CREB5: variants seen among roughly 807,000 people sequenced by gnomAD.
CREB5 encodes cyclic AMP-responsive element-binding protein 5.
A neutral mutation model predicts 57.1 loss-of-function variants in CREB5; 19 were observed. The observed-to-expected ratio is 0.33, with a 90% confidence interval of 0.23 to 0.49. The LOEUF is 0.49. Among genes scored for constraint, CREB5 ranks in the 20% least tolerant of loss-of-function variants. The pLI, the probability that CREB5 is intolerant of heterozygous loss-of-function variation, is 0.99. For missense variants in CREB5, 579 were observed against 671.6 expected, an observed-to-expected ratio of 0.86 and a Z score of 1.52; for synonymous variants, 238 against 238.3, an observed-to-expected ratio of 1.00 and a Z score of 0.01.
At chr7:28,406,202 A>G (rs372428266) in intron 1 of CREB5, among the ~76,000 whole-genome samples, 1 of 152,186 alleles carries the variant, frequency 6.6e-6, no homozygotes, top group East Asian at 1.9e-4. Flanking sequence ...TTCAGGCCTG[A>G]TTAAGCACTA....
intron 4 of CREB5, among the ~76,000 whole-genome samples, chr7:28,551,900 TC>T (rs770600618): frequency 1.4e-5 from 2 of 140,082 alleles, no homozygotes; most frequent in East Asian, 4.7e-4. Flanking sequence ...TCTTTCTTTC[TC>T]TTTTCTTTTC....
chr7:28,642,967 C>CATAT (rs1798722134), intron 5 of CREB5, among the ~76,000 whole-genome samples: 1 of 93,746 alleles, frequency 1.1e-5, no homozygotes, highest in African/African-American at 4.1e-5. Flanking sequence ...CACACACACA[C>CATAT]ACACACACAC....
chr7:28,744,280 A>G (rs1328311632), intron 7 of CREB5, among the ~76,000 whole-genome samples: 3 of 150,292 alleles, frequency 2.0e-5, no homozygotes, highest in Non-Finnish European at 4.4e-5. Flanking sequence ...TCTTATGAGG[A>G]CACCAGTCAT....
In CREB5 at chr7:28,610,406, G is replaced by A. The variant is rs1047318944; in HGVS notation, c.464+39869G>A. On this transcript the variant is annotated intron_variant, in intron 5 of 10. Coordinates refer to ENST00000357727, the MANE Select transcript of CREB5 (RefSeq NM_182898.4). ...AGTGACTATATACTTGCCAAATACT[G>A]CTGTGTAAAGGCAGCTACATTTTTG... Among the ~76,000 whole-genome samples, 3 of 152,128 alleles carry A rather than the reference G, an allele frequency of 2.0e-5. 1 individual carries two copies. The highest frequency in any genetic ancestry group is 4.4e-5 in the Non-Finnish European group (3 of 68,034).
At chr7:28,623,657 T>G (rs1797886738) in intron 5 of CREB5, among the ~76,000 whole-genome samples, 1 of 152,190 alleles carries the variant, frequency 6.6e-6, no homozygotes. Context: ...AAAACATATC[T>G]CAGTGAGGAA....
chr7:28,312,931 C>G (rs1307749001), intron 1 of CREB5, among the ~76,000 whole-genome samples: 3 of 152,150 alleles, frequency 2.0e-5, no homozygotes, highest in Non-Finnish European at 4.4e-5. Flanking sequence ...CCTTATGAGA[C>G]TTGTGAAATT....
chr7:28,552,955 A>C (rs1794729137), intron 4 of CREB5, among the ~76,000 whole-genome samples: 1 of 152,216 alleles, frequency 6.6e-6, no homozygotes, highest in East Asian at 1.9e-4. Context: ...CACTGATGAT[A>C]GTCAACCAGA....
chr7:28,511,094 T>C (rs543207259), intron 4 of CREB5, among the ~76,000 whole-genome samples: 63 of 151,928 alleles, frequency 4.1e-4, no homozygotes, highest in Non-Finnish European at 8.2e-4. Context: ...AGTTTACCTC[T>C]AGGGGGCAAG....
chr7:28,447,427 G>C (rs562121633), intron 1 of CREB5, among the ~76,000 whole-genome samples: 1 of 152,276 alleles, frequency 6.6e-6, no homozygotes, highest in African/African-American at 2.4e-5. Flanking sequence ...CACACCGACG[G>C]GGGAGTGGGT....
At chr7:28,369,639 G>C (rs1786665041) in intron 1 of CREB5, among the ~76,000 whole-genome samples, 1 of 152,136 alleles carries the variant, frequency 6.6e-6, no homozygotes. Context: ...ATTCCCCTGA[G>C]ATTCCTTTTA....
intron 5 of CREB5, among the ~76,000 whole-genome samples, chr7:28,694,223 A>G (rs1801420314): frequency 6.6e-6 from 1 of 152,190 alleles, no homozygotes; most frequent in Non-Finnish European, 1.5e-5. Flanking sequence ...ATTCCTCTGA[A>G]ATTAATCATA....
chr7:28,452,669 C>T (rs1166186510), intron 1 of CREB5, among the ~76,000 whole-genome samples: 1 of 152,142 alleles, frequency 6.6e-6, no homozygotes. Context: ...CCCATGAGAG[C>T]TGGGGCCTAA....
rs542106115 is a variant in CREB5 at position 28,445,612 on chromosome 7, C to T, written c.3+32695C>T. 3.0e-3 allele frequency among the ~76,000 whole-genome samples: 450 copies of T among 151,510 alleles called. 1 individual carries two copies. The highest frequency in any genetic ancestry group is 2.6e-3 in the Non-Finnish European group (175 of 67,914). ...TGTTGCCCAGGCTGGAGTGCAGTGG[C>T]GCGATCTCGGCTCACTGCAAGCTCC... On this transcript the variant is annotated intron_variant, in intron 1 of 10. Coordinates refer to ENST00000357727, the MANE Select transcript of CREB5 (RefSeq NM_182898.4).
rs1361765462 is a variant in CREB5 at position 28,560,935 on chromosome 7, TGC to T, written c.292-9428_292-9427del. The stretch of plus-strand genomic sequence containing the variant: ...GTGTGCGTGTGTGCGCGTGCGTGTG[TGC>T]GTGCGTGTGTGTGCGTGTGTGTGCG... On this transcript the variant is annotated intron_variant, in intron 4 of 10. Transcript: ENST00000357727. Among the ~76,000 whole-genome samples, 25 of 56,214 alleles carry T rather than the reference TGC, an allele frequency of 4.4e-4. 1 individual carries two copies. The highest frequency in any genetic ancestry group is 8.5e-4 in the East Asian group (1 of 1,172). The allele number at this position is 56,214 out of a possible 152,430, so 36.9% of individuals were successfully genotyped here. A position where few individuals can be genotyped will look rare whatever the true frequency, so the allele number is the denominator to read the frequency against.
intron 1 of CREB5, among the ~76,000 whole-genome samples, chr7:28,348,031 C>G (rs1786099214): frequency 6.6e-6 from 1 of 152,000 alleles, no homozygotes; most frequent in Non-Finnish European, 1.5e-5. Context: ...AGAGAGGGTT[C>G]CCAGGTGTGA....
In CREB5 at chr7:28,776,181, C is replaced by T. The variant is rs1414370234; in HGVS notation, c.703-28018C>T. The stretch of plus-strand genomic sequence containing the variant: ...TGAAACCCCGTCTCTACTAAAAATC[C>T]AAAAAAATTAGCCGGGTGTGGTGGC... On this transcript the variant is annotated intron_variant, in intron 7 of 10. Coordinates refer to ENST00000357727, the MANE Select transcript of CREB5 (RefSeq NM_182898.4). 2.0e-5 allele frequency among the ~76,000 whole-genome samples: 3 copies of T among 151,736 alleles called. No homozygotes were observed. The South Asian group carries it at 6.3e-4, about 32-fold the overall frequency.
At chr7:28,519,317 G>A (rs914217143) in intron 4 of CREB5, among the ~76,000 whole-genome samples, 1 of 151,948 alleles carries the variant, frequency 6.6e-6, no homozygotes, top group Admixed American at 6.5e-5. Flanking sequence ...GCAAAGTTGG[G>A]AATTCAGACT....
chr7:28,438,249 A>G (rs1328409749), intron 1 of CREB5, among the ~76,000 whole-genome samples: 1 of 152,152 alleles, frequency 6.6e-6, no homozygotes, highest in African/African-American at 2.4e-5. Flanking sequence ...TGACCTTAAC[A>G]TACTGATTTG....
chr7:28,586,396 G>A (rs1796308521), intron 5 of CREB5, among the ~76,000 whole-genome samples: 1 of 152,184 alleles, frequency 6.6e-6, no homozygotes. Flanking sequence ...TTAGCAAAAT[G>A]ATAATAATTG....
Sources: allele counts gnomAD v4.1 joint callset (sites outside exome capture counted in the v4.1 genomes callset), GRCh38; gene constraint gnomAD v4.1.1; transcripts MANE v1.5; gene names NCBI Gene and HGNC (gene_info 2026-07-23, HGNC 2026-07-21).